Variants in SYT14 observed in about 807,000 individuals in gnomAD.
SYT14 encodes the protein synaptotagmin-14.
A neutral mutation model predicts 74.2 loss-of-function variants in SYT14; 32 were observed. The ratio of observed to expected loss-of-function variants is 0.43; its 90% CI spans 0.33 to 0.58. The LOEUF is 0.58. Among genes scored for constraint, SYT14 ranks in the 20% least tolerant of loss-of-function variants. SYT14 has a pLI of 0.05. For synonymous variants in SYT14, 298 were observed against 337.7 expected (o/e 0.88, Z 1.29); for missense variants, 791 against 981.8 (o/e 0.81, Z 2.60).
chr1:209,952,337 C>G (rs907132824), intron 1 of SYT14, among the ~76,000 whole-genome samples: 2 of 152,018 alleles, frequency 1.3e-5, no homozygotes, highest in African/African-American at 4.8e-5. Context: ...ATTGACCTTT[C>G]AATAACTTAA....
At chr1:210,144,361 A>G (rs2082985272) in intron 7 of SYT14, among the ~76,000 whole-genome samples, 2 of 152,164 alleles carry the variant, frequency 1.3e-5, no homozygotes, top group African/African-American at 4.8e-5. Context: ...AAGTGATATA[A>G]CTATTAAGGA....
chr1:210,095,116 C>T (rs894372402), intron 6 of SYT14, among the ~76,000 whole-genome samples: 8 of 151,890 alleles, frequency 5.3e-5, no homozygotes, highest in Non-Finnish European at 1.2e-4. Context: ...CTTACTGTTT[C>T]GGAGCAAAAA....
chr1:210,136,007 T>C (rs561590382), intron 7 of SYT14, among the ~76,000 whole-genome samples: 32 of 152,348 alleles, frequency 2.1e-4, no homozygotes, highest in African/African-American at 7.5e-4. Context: ...GGATTCAAAA[T>C]GAATTTTTAA....
chr1:210,170,418 G>A (rs891097445), exon 10 of SYT14: 1 of 151,574 alleles, frequency 6.6e-6, no homozygotes, highest in Non-Finnish European at 1.5e-5. Flanking sequence ...CGATTGTCTC[G>A]GTGCCTTTTT....
intron 2 of SYT14, among the ~76,000 whole-genome samples, chr1:209,967,154 G>A (rs2079169532): frequency 6.6e-6 from 1 of 152,092 alleles, no homozygotes; most frequent in African/African-American, 2.4e-5. Flanking sequence ...TTACATTTAT[G>A]AGATAAATTC....
chr1:209,964,252 T>C (rs564174092), intron 2 of SYT14, among the ~76,000 whole-genome samples: 35 of 152,216 alleles, frequency 2.3e-4, no homozygotes, highest in Non-Finnish European at 4.4e-4. Flanking sequence ...ATGTGCCTGC[T>C]TCCCCTTCTG....
chr1:210,162,499 A>G (rs1344813589), exon 10 of SYT14: 2 of 353,150 alleles, frequency 5.7e-6, no homozygotes, highest in Non-Finnish European at 5.4e-6. Context: ...CATTTTATGC[A>G]TATACTTTAT....
At chr1:210,068,511 A>G (rs937557947) in intron 5 of SYT14, among the ~76,000 whole-genome samples, 4 of 151,878 alleles carry the variant, frequency 2.6e-5, no homozygotes, top group East Asian at 1.9e-4. Flanking sequence ...GAATCAACCT[A>G]TGAAATCACT....
chr1:210,105,754 A>G (rs1046147276), intron 7 of SYT14, among the ~76,000 whole-genome samples: 1 of 152,190 alleles, frequency 6.6e-6, no homozygotes, highest in Non-Finnish European at 1.5e-5. Flanking sequence ...CAGATTTCTC[A>G]TGAGTGGTTT....
chr1:210,060,224 G>A (rs1209183871), intron 5 of SYT14, among the ~76,000 whole-genome samples: 1 of 152,070 alleles, frequency 6.6e-6, no homozygotes, highest in Non-Finnish European at 1.5e-5. Context: ...CATGTCACAG[G>A]CTCACGTTTC....
intron 2 of SYT14, among the ~76,000 whole-genome samples, chr1:210,010,425 G>T (rs192039042): frequency 1.3e-5 from 2 of 152,056 alleles, no homozygotes; most frequent in African/African-American, 4.8e-5. Context: ...TTGCCCATTA[G>T]TGCTTATAGA....
chr1:209,968,574 A>G (rs951595855), intron 2 of SYT14, among the ~76,000 whole-genome samples: 2 of 151,730 alleles, frequency 1.3e-5, no homozygotes, highest in African/African-American at 4.8e-5. Flanking sequence ...CTTGGCAGCC[A>G]CTGAATTTTG....
chr1:209,982,364 T>A (rs1156484147), intron 2 of SYT14, among the ~76,000 whole-genome samples: 2 of 152,092 alleles, frequency 1.3e-5, no homozygotes, highest in African/African-American at 2.4e-5. Context: ...CCGTATTGCT[T>A]AGTCTGGTTT....
chr1:210,105,862 A>T (rs187561112), intron 7 of SYT14, among the ~76,000 whole-genome samples: 1 of 151,548 alleles, frequency 6.6e-6, no homozygotes, highest in Non-Finnish European at 1.5e-5. Flanking sequence ...TCCCTCTCTC[A>T]CTCTTGCTCT....
intron 5 of SYT14, among the ~76,000 whole-genome samples, chr1:210,081,109 A>G (rs2081607778): frequency 6.6e-6 from 1 of 152,206 alleles, no homozygotes; most frequent in South Asian, 2.1e-4. Flanking sequence ...GAGGGGTATA[A>G]GTATTCTGAG....
intron 5 of SYT14, among the ~76,000 whole-genome samples, chr1:210,073,527 CA>C (rs2081433107): frequency 6.6e-6 from 1 of 151,982 alleles, no homozygotes; most frequent in Non-Finnish European, 1.5e-5. Context: ...GTTTTATCTT[CA>C]AAGAATTGAT....
chr1:210,000,084 C>T (rs1378913223), intron 2 of SYT14, among the ~76,000 whole-genome samples: 2 of 152,068 alleles, frequency 1.3e-5, no homozygotes, highest in African/African-American at 4.8e-5. Context: ...TTTTATTTTA[C>T]AGATATTTGC....
At chr1:210,149,723 A>G (rs991888807) in intron 7 of SYT14, among the ~76,000 whole-genome samples, 1 of 152,126 alleles carries the variant, frequency 6.6e-6, no homozygotes, top group Non-Finnish European at 1.5e-5. Context: ...GCTGTGCTCC[A>G]TGAGTGTGGT....
At chr1:210,006,680 A>T (rs979858523) in intron 2 of SYT14, among the ~76,000 whole-genome samples, 3 of 152,012 alleles carry the variant, frequency 2.0e-5, no homozygotes, top group African/African-American at 4.8e-5. Context: ...TTATCTTTTT[A>T]AAAAAATAAT....
Sources: allele counts gnomAD v4.1 joint callset (sites outside exome capture counted in the v4.1 genomes callset), GRCh38; gene constraint gnomAD v4.1.1; transcripts MANE v1.5; gene names NCBI Gene and HGNC (gene_info 2026-07-23, HGNC 2026-07-21).